LRP1B: variants seen among roughly 807,000 people sequenced by gnomAD.
The protein encoded by LRP1B is low-density lipoprotein receptor-related protein 1B.
A neutral mutation model predicts 556.6 loss-of-function variants in LRP1B; 217 were observed. The observed-to-expected ratio is 0.39, with a 90% CI of 0.35 to 0.44. The LOEUF (loss-of-function observed/expected upper bound fraction) is 0.44, where lower values mean the gene tolerates loss of function less well. LRP1B is among the 20% of genes least tolerant of loss of function. LRP1B has a pLI of 1.00. For missense variants in LRP1B, 5,053 were observed against 5,620.8 expected, an observed-to-expected ratio of 0.90 and a Z score of 3.23; for synonymous variants, 2,047 against 1,865.8, an observed-to-expected ratio of 1.10 and a Z score of -2.50.
chr2:141,612,989 T>A (rs1201981270), intron 2 of LRP1B, among the ~76,000 whole-genome samples: 1 of 151,766 alleles, frequency 6.6e-6, no homozygotes, highest in African/African-American at 2.4e-5. Context: ...TTTTGTATTT[T>A]CAGTAGAGAT....
chr2:140,537,732 G>A (rs1241331213), intron 45 of LRP1B, among the ~76,000 whole-genome samples: 2 of 152,114 alleles, frequency 1.3e-5, no homozygotes, highest in African/African-American at 4.8e-5. Context: ...AAAATTAAGA[G>A]TTTGAGTTTT....
At chr2:140,867,972 CAAA>C in intron 26 of LRP1B, 124 bp downstream of exon 26, 1 of 1,116,640 alleles carries the variant, frequency 9.0e-7, no homozygotes, top group East Asian at 3.1e-5. Flanking sequence ...TTGGGGCAAG[CAAA>C]AAAAAAATAC....
At chr2:140,974,861 A>G (rs1696544383) in intron 18 of LRP1B, among the ~76,000 whole-genome samples, 1 of 152,202 alleles carries the variant, frequency 6.6e-6, no homozygotes, top group African/African-American at 2.4e-5. Context: ...GAGATCCCCA[A>G]ATGCAAGAGA....
intron 1 of LRP1B, among the ~76,000 whole-genome samples, chr2:142,052,684 A>G (rs1216547947): frequency 6.6e-6 from 1 of 151,568 alleles, no homozygotes; most frequent in South Asian, 2.1e-4. Flanking sequence ...TACCACTCTC[A>G]TCTCTGTCTT....
intron 1 of LRP1B, among the ~76,000 whole-genome samples, chr2:141,810,759 G>C (rs997993300): frequency 6.6e-5 from 10 of 152,106 alleles, no homozygotes; most frequent in African/African-American, 2.2e-4. Flanking sequence ...CTTGAGCATA[G>C]AAATTTTAGT....
intron 2 of LRP1B, among the ~76,000 whole-genome samples, chr2:141,795,210 C>T (rs575364932): frequency 4.6e-5 from 7 of 152,018 alleles, no homozygotes; most frequent in Non-Finnish European, 8.8e-5. Context: ...TTATTTATCC[C>T]TTATATTAGG....
At chr2:141,429,093 A>G (rs2104980242) in intron 3 of LRP1B, among the ~76,000 whole-genome samples, 1 of 152,284 alleles carries the variant, frequency 6.6e-6, no homozygotes, top group Non-Finnish European at 1.5e-5. Context: ...GGTATTTGAG[A>G]ATAATTATTG....
Position 140,775,449 on chromosome 2 carries a change from T to TAC in LRP1B, c.5500+648_5500+649insGT, listed in dbSNP as rs200065994. On this transcript the variant is annotated intron_variant, in intron 33 of 90. Transcript: ENST00000389484. ...AAGAGACTAATGTATGAAAGTACAG[T>TAC]ATATTTTTTTTTGGTTGATTTTTTT... is the stretch of plus-strand genomic sequence containing the variant. 5.5e-3 allele frequency among the ~76,000 whole-genome samples: 626 copies of TAC among 112,980 alleles called. 6 individuals carry two copies. Among genetic ancestry groups the TAC allele is most frequent in the Non-Finnish European group, 8.4e-3 (466 of 55,500 alleles). 74.1% of individuals were successfully genotyped at this position (112,980 alleles called of 152,430 possible). A position where few individuals can be genotyped will look rare whatever the true frequency, so the allele number is the denominator to read the frequency against.
intron 1 of LRP1B, among the ~76,000 whole-genome samples, chr2:141,890,817 A>G (rs1433264169): frequency 6.6e-6 from 1 of 152,132 alleles, no homozygotes; most frequent in Admixed American, 6.6e-5. Context: ...GAATCCGTTC[A>G]AAAAATACCA....
chr2:141,414,168 C>T (rs867826939), intron 3 of LRP1B, among the ~76,000 whole-genome samples: 45 of 142,248 alleles, frequency 3.2e-4, no homozygotes, highest in Admixed American at 7.9e-4. Context: ...ACCCGGGAGG[C>T]GGAGCTTGCA....
intron 29 of LRP1B, among the ~76,000 whole-genome samples, chr2:140,843,257 C>G (rs191874233): frequency 4.5e-4 from 68 of 152,064 alleles, no homozygotes; most frequent in Admixed American, 4.5e-3. Context: ...AAATATCTAT[C>G]TAGTCTTTGT....
At chr2:140,651,685 GA>G (rs1387627483) in intron 41 of LRP1B, among the ~76,000 whole-genome samples, 3 of 151,922 alleles carry the variant, frequency 2.0e-5, no homozygotes, top group Non-Finnish European at 4.4e-5. Context: ...GATTTTAGGA[GA>G]AAATACCACA....
In LRP1B at chr2:140,479,540, T is replaced by C. The variant is rs188657933; in HGVS notation, c.9426-4203A>G. Reference sequence around the variant, plus strand: ...TCTGTGAATTTGAGAATGTCTTTTATAGTTGAATATTATACATTGTATTTC... The same window carrying C: ...TCTGTGAATTTGAGAATGTCTTTTACAGTTGAATATTATACATTGTATTTC... On this transcript the variant is annotated intron_variant, in intron 59 of 90. Coordinates refer to ENST00000389484, the MANE Select transcript of LRP1B (RefSeq NM_018557.3). Among the ~76,000 whole-genome samples the C allele has an allele frequency of 4.4e-3, 664 of 152,282 alleles. 3 individuals are homozygous for C. The highest frequency in any genetic ancestry group is 5.9e-3 in the Non-Finnish European group (402 of 68,012).
chr2:141,715,640 C>T (rs990973789), intron 2 of LRP1B, among the ~76,000 whole-genome samples: 2 of 151,968 alleles, frequency 1.3e-5, no homozygotes, highest in African/African-American at 4.8e-5. Flanking sequence ...CATGGTGAAA[C>T]CCCAACTCTA....
chr2:142,005,768 T>G (rs1045326987), intron 1 of LRP1B, among the ~76,000 whole-genome samples: 1 of 152,022 alleles, frequency 6.6e-6, no homozygotes, highest in Admixed American at 6.6e-5. Flanking sequence ...CTCTAGTTAT[T>G]CACCTTTCTC....
chr2:141,816,667 C>G (rs974564617), intron 1 of LRP1B, among the ~76,000 whole-genome samples: 1 of 152,150 alleles, frequency 6.6e-6, no homozygotes, highest in Non-Finnish European at 1.5e-5. Flanking sequence ...ATAAACTCCC[C>G]TTTATATATA....
intron 43 of LRP1B, among the ~76,000 whole-genome samples, chr2:140,598,003 G>T (rs1422020580): frequency 5.3e-5 from 8 of 152,056 alleles, no homozygotes; most frequent in Non-Finnish European, 1.2e-4. Context: ...AACCACTGAG[G>T]TTCCCAGTCA....
chr2:140,881,189 G>T (rs1693461455), intron 25 of LRP1B, among the ~76,000 whole-genome samples: 1 of 151,726 alleles, frequency 6.6e-6, no homozygotes. Context: ...AAGATAGTAA[G>T]CTGAGTTTAA....
At chr2:141,257,028 G>C (rs1025355664) in intron 3 of LRP1B, among the ~76,000 whole-genome samples, 1 of 151,818 alleles carries the variant, frequency 6.6e-6, no homozygotes, top group African/African-American at 2.4e-5. Flanking sequence ...CATAAGTGAA[G>C]AACCTAGAAA....
Sources: allele counts gnomAD v4.1 joint callset (sites outside exome capture counted in the v4.1 genomes callset), GRCh38; gene constraint gnomAD v4.1.1; transcripts MANE v1.5; gene names NCBI Gene and HGNC (gene_info 2026-07-23, HGNC 2026-07-21).